LETM1: variants seen among roughly 807,000 people sequenced by gnomAD.
The protein encoded by LETM1 is mitochondrial proton/calcium exchanger protein.
In LETM1, 50 loss-of-function variants were observed where a neutral mutation model predicts 74.5. That is an observed-to-expected ratio of 0.67 (90% confidence interval 0.53 to 0.85). The LOEUF (loss-of-function observed/expected upper bound fraction) is 0.85, where lower values mean the gene tolerates loss of function less well. Ranked by LOEUF, LETM1 falls within the 40% of genes least tolerant of loss-of-function variation. LETM1 has a pLI of 0.00. For synonymous variants in LETM1, 446 were observed against 407.1 expected, an observed-to-expected ratio of 1.10 and a Z score of -1.15; for missense variants, 824 against 967.8, an observed-to-expected ratio of 0.85 and a Z score of 1.97.
intron 12 of LETM1, 101 bp from the exon 13 acceptor site, chr4:1,815,903 C>T (rs997881859): frequency 1.6e-5 from 23 of 1,454,294 alleles, no homozygotes; most frequent in African/African-American, 5.6e-5. Flanking sequence ...CTGACACAGG[C>T]GGCTCCGCGT....
chr4:1,837,709 T>G (rs1434176628), intron 3 of LETM1, among the ~76,000 whole-genome samples: 1 of 149,336 alleles, frequency 6.7e-6, no homozygotes, highest in African/African-American at 2.5e-5. Context: ...GTTTTTTTTT[T>G]TTTTTTTTTT....
chr4:1,819,854 A>G (rs1711713242), intron 10 of LETM1, among the ~76,000 whole-genome samples: 1 of 152,180 alleles, frequency 6.6e-6, no homozygotes, highest in Non-Finnish European at 1.5e-5. Flanking sequence ...CTAGCATCTT[A>G]GATAGACGGA....
chr4:1,823,792 G>A lies in LETM1; in HGVS notation c.1201-17C>T, dbSNP rs202174337. On this transcript the variant is annotated splice_polypyrimidine_tract_variant and intron_variant, in intron 7 of 13. Coordinates refer to ENST00000302787, the MANE Select transcript of LETM1 (RefSeq NM_012318.3). ...GTCCAGCCACTGCAACCAAGGCCAGGTTCAGCAGATGGGCAGCCCCCCAAC... is the reference window on the plus strand; with the variant it reads ...GTCCAGCCACTGCAACCAAGGCCAGATTCAGCAGATGGGCAGCCCCCCAAC... 1.3e-6 allele frequency: 2 copies of A among 1,598,528 alleles called. No individual in the cohort carries two copies. The highest frequency in any genetic ancestry group is 2.2e-5 in the East Asian group (1 of 44,696).
At chr4:1,844,886 GAAAAAAAAAAA>G (rs971183682) in intron 2 of LETM1, among the ~76,000 whole-genome samples, 4 of 51,046 alleles carry the variant, frequency 7.8e-5, no homozygotes, top group Non-Finnish European at 1.7e-4. Context: ...TGTCTCTACA[GAAAAAAAAAAA>G]AAAAAAAAAA....
chr4:1,837,786 T>C (rs1403630907), intron 3 of LETM1, among the ~76,000 whole-genome samples: 1 of 149,822 alleles, frequency 6.7e-6, no homozygotes, highest in Non-Finnish European at 1.5e-5. Flanking sequence ...TCATTGTATC[T>C]CCATCTCCCT....
At chr4:1,840,621 T>C (rs1237123453) in intron 3 of LETM1, among the ~76,000 whole-genome samples, 2 of 151,402 alleles carry the variant, frequency 1.3e-5, no homozygotes, top group East Asian at 3.9e-4. Context: ...CGAGCCGAGA[T>C]CGCACCACTG....
At chr4:1,831,394 T>A (rs1419783035) in intron 6 of LETM1, among the ~76,000 whole-genome samples, 1 of 152,118 alleles carries the variant, frequency 6.6e-6, no homozygotes, top group Non-Finnish European at 1.5e-5. Context: ...CACAGGTGTC[T>A]CCCCCAGTAG....
intron 1 of LETM1, among the ~76,000 whole-genome samples, chr4:1,854,024 A>T (rs1713155510): frequency 6.6e-6 from 1 of 152,244 alleles, no homozygotes; most frequent in Admixed American, 6.5e-5. Context: ...AAGTGTTAAA[A>T]GTACTTTTAT....
intron 2 of LETM1, among the ~76,000 whole-genome samples, chr4:1,846,985 T>G (rs976851317): frequency 6.6e-6 from 1 of 152,108 alleles, no homozygotes; most frequent in Admixed American, 6.6e-5. Context: ...AAAGAATTAA[T>G]GAAAATAATA....
chr4:1,847,950 C>T (rs1712939454), intron 2 of LETM1, among the ~76,000 whole-genome samples: 1 of 150,058 alleles, frequency 6.7e-6, no homozygotes, highest in Non-Finnish European at 1.5e-5. Flanking sequence ...GGGCAGAGAT[C>T]ACGCCACTGC....
intron 6 of LETM1, among the ~76,000 whole-genome samples, chr4:1,826,772 C>T (rs1207909546): frequency 6.6e-6 from 1 of 152,274 alleles, no homozygotes; most frequent in Non-Finnish European, 1.5e-5. Flanking sequence ...TTTCTTCTCC[C>T]TGTCCTCCTG....
intron 8 of LETM1, 87 bp from the exon 9 acceptor site, chr4:1,823,218 C>T: frequency 6.9e-7 from 1 of 1,452,576 alleles, no homozygotes; most frequent in Non-Finnish European, 9.2e-7. Context: ...TCCTGTGTCC[C>T]CTGCCCCGTC....
chr4:1,828,994 C>CA (rs1712145719), intron 6 of LETM1, among the ~76,000 whole-genome samples: 1 of 96,192 alleles, frequency 1.0e-5, no homozygotes, highest in Admixed American at 9.2e-5. Flanking sequence ...GGGGGGCTGA[C>CA]CCCCCCCCAC....
chr4:1,847,109 A>T (rs966336997), intron 2 of LETM1, among the ~76,000 whole-genome samples: 10 of 150,808 alleles, frequency 6.6e-5, no homozygotes, highest in African/African-American at 2.2e-4. Context: ...AGGCAGGAGG[A>T]CTGCTTGAGT....
chr4:1,836,678 G>T lies in LETM1; in HGVS notation c.595-106C>A. 1 of 1,230,086 alleles carries T rather than the reference G, an allele frequency of 8.1e-7. No individual in the cohort carries two copies. Among genetic ancestry groups the T allele is most frequent in the Non-Finnish European group, 1.2e-6 (1 of 868,694 alleles). The allele number at this position is 1,230,086 out of a possible 1,614,324, so 76.2% of individuals were successfully genotyped here. A position where few individuals can be genotyped will look rare whatever the true frequency, so the allele number is the denominator to read the frequency against. ...TGGTTTATAGGCACAACCTCAGGCA[G>T]CGACTCACAGGACCCACTGAGGACT... is the stretch of plus-strand genomic sequence containing the variant. On this transcript the variant is annotated intron_variant, in intron 3 of 13. Coordinates refer to ENST00000302787, the MANE Select transcript of LETM1 (RefSeq NM_012318.3). The surrounding 1 kb of genome is among the most constrained non-coding windows in gnomAD (Gnocchi z 5.8).
intron 2 of LETM1, among the ~76,000 whole-genome samples, chr4:1,845,215 A>G (rs1050216639): frequency 2.6e-5 from 4 of 152,124 alleles, no homozygotes; most frequent in Admixed American, 1.3e-4. Context: ...AAAATGATCC[A>G]CCTACTCACC....
intron 3 of LETM1, 132 bp downstream of exon 3, chr4:1,841,215 C>T: frequency 1.3e-6 from 1 of 763,526 alleles, no homozygotes; most frequent in Admixed American, 2.8e-5. Context: ...TGTGGTGGCA[C>T]ATGCCTGTGG....
Position 1,823,704 on chromosome 4 carries a change from C to T in LETM1, c.1272G>A (p.Pro424=), listed in dbSNP as rs755448716. The change falls in exon 8 of 14, where the codon CCG becomes CCA. Residue 424 remains proline, a synonymous_variant. Coordinates refer to ENST00000302787, the MANE Select transcript of LETM1 (RefSeq NM_012318.3). ...GCTGGTCGGCTGGAGAGAGGGTGTC[C>T]GGGAGGTACATGGCCCGGGACAGGA... is the stretch of plus-strand genomic sequence containing the variant. ...LLILSRAMYL[P]DTLSPADQLK... is the part of the protein sequence containing the mutation. 1.3e-5 allele frequency: 21 copies of T among 1,613,748 alleles called. No individual in the cohort carries two copies. The East Asian group carries it at 2.7e-4, about 21-fold the overall frequency.
rs1011656313 is a variant in LETM1, at chr4:1,814,656, G to A, written c.2071-83C>T. 2.7e-5 allele frequency: 33 copies of A among 1,236,986 alleles called. 1 individual carries two copies. The highest frequency in any genetic ancestry group is 6.3e-5 in the South Asian group (5 of 79,468). The allele number at this position is 1,236,986 out of a possible 1,614,324, so 76.6% of individuals were successfully genotyped here. ...AGAGGCGGGGCCAGCGCCGTCAGTC[G>A]CCCCAGCTGGGGTGGCAGCAGCATG... On this transcript the variant is annotated intron_variant, in intron 13 of 13. Coordinates refer to ENST00000302787, the MANE Select transcript of LETM1 (RefSeq NM_012318.3).
Sources: allele counts gnomAD v4.1 joint callset (sites outside exome capture counted in the v4.1 genomes callset), GRCh38; gene constraint gnomAD v4.1.1; non-coding constraint Gnocchi (gnomAD v3.1); transcripts MANE v1.5; gene names NCBI Gene and HGNC (gene_info 2026-07-23, HGNC 2026-07-21).